The following EPHA4 variants were observed in gnomAD, a reference collection of about 807,000 sequenced individuals.
EPHA4 encodes the protein EPH receptor A4, also known as ephrin type-A receptor 4.
EPHA4 carries 19 observed loss-of-function variants against 108.3 expected under a neutral mutation model. The ratio of observed to expected loss-of-function variants is 0.18; its 90% CI spans 0.12 to 0.26. The LOEUF is 0.26. Ranked by LOEUF, EPHA4 falls within the 10% of genes least tolerant of loss-of-function variation. The pLI, the probability that EPHA4 is intolerant of heterozygous loss-of-function variation, is 1.00. For missense variants in EPHA4, 917 were observed against 1,254.0 expected, an observed-to-expected ratio of 0.73 and a Z score of 4.06; for synonymous variants, 449 against 455.5, an observed-to-expected ratio of 0.99 and a Z score of 0.18.
intron 3 of EPHA4, among the ~76,000 whole-genome samples, chr2:221,543,025 T>C (rs1693884444): frequency 6.6e-6 from 1 of 152,180 alleles, no homozygotes; most frequent in Non-Finnish European, 1.5e-5. Flanking sequence ...GTATGCTCTT[T>C]CTCGTTATGT....
intron 3 of EPHA4, among the ~76,000 whole-genome samples, chr2:221,557,342 T>C (rs1489609181): frequency 2.6e-5 from 4 of 152,208 alleles, no homozygotes. Flanking sequence ...GTTTCTTTGT[T>C]GGATTGATCA....
intron 5 of EPHA4, among the ~76,000 whole-genome samples, chr2:221,471,078 A>T (rs1691472471): frequency 6.6e-6 from 1 of 152,098 alleles, no homozygotes; most frequent in African/African-American, 2.4e-5. Flanking sequence ...GAAACAACTG[A>T]GCTATTAAAT....
At chr2:221,548,413 T>G (rs1004836048) in intron 3 of EPHA4, among the ~76,000 whole-genome samples, 1 of 151,656 alleles carries the variant, frequency 6.6e-6, no homozygotes, top group African/African-American at 2.4e-5. Flanking sequence ...TCACTCCCAC[T>G]CTCACCATGT....
intron 5 of EPHA4, among the ~76,000 whole-genome samples, chr2:221,477,950 A>G (rs1431885959): frequency 1.3e-5 from 2 of 152,186 alleles, no homozygotes; most frequent in Admixed American, 6.5e-5. Flanking sequence ...TAGCTGTGCT[A>G]GAGAGAGATG....
intron 15 of EPHA4, among the ~76,000 whole-genome samples, chr2:221,427,002 C>CG (rs1231046349): frequency 2.0e-5 from 3 of 152,150 alleles, no homozygotes; most frequent in Admixed American, 6.5e-5. Context: ...TACAGACTTT[C>CG]GTTCAGCAAC....
chr2:221,568,962 C>T (rs758147171), intron 1 of EPHA4, among the ~76,000 whole-genome samples, 177 bp from the exon 2 acceptor site: 2 of 152,232 alleles, frequency 1.3e-5, no homozygotes, highest in Non-Finnish European at 2.9e-5. Flanking sequence ...TTCTCCCCCT[C>T]TTTAAATCTG....
intron 5 of EPHA4, among the ~76,000 whole-genome samples, chr2:221,481,858 T>G (rs561731113): frequency 2.6e-5 from 4 of 152,192 alleles, no homozygotes; most frequent in Non-Finnish European, 5.9e-5. Flanking sequence ...AAGAGCACTC[T>G]GCATTGGTAA....
In EPHA4 at chr2:221,492,917, A is replaced by C. The variant is rs150109900; in HGVS notation, c.979+8100T>G. Among the ~76,000 whole-genome samples the C allele has an allele frequency of 1.5e-3, 233 of 152,370 alleles. 3 individuals are homozygous for C. The highest frequency in any genetic ancestry group is 5.2e-3 in the African/African-American group (218 of 41,594). On this transcript the variant is annotated intron_variant, in intron 4 of 17. Transcript: ENST00000281821. ...GTATGAAACTATACTATTACATTGC[A>C]AATTTGATAAATGACATGGAATGAG... is the stretch of plus-strand genomic sequence containing the variant.
In EPHA4 at chr2:221,443,820, G is replaced by A. The variant is rs1690508034; in HGVS notation, c.1775-214C>T. Among the ~76,000 whole-genome samples, 3 of 152,260 alleles carry A rather than the reference G, an allele frequency of 2.0e-5. No individual in the cohort carries two copies. The South Asian group carries it at 6.2e-4, about 32-fold the overall frequency. On this transcript the variant is annotated intron_variant, in intron 9 of 17. Transcript: ENST00000281821. Reference sequence around the variant, plus strand: ...GAGGCTGCAGCTTTACTGACTTCCTGGAATGTCTTCACACTTCAAGGACAA... The same window carrying A: ...GAGGCTGCAGCTTTACTGACTTCCTAGAATGTCTTCACACTTCAAGGACAA...
rs879781384 is a variant in EPHA4 at position 221,567,012 on chromosome 2, A to AAGAAGAAGAAGAAGAAGAAGAAGAAGAAG, written c.159+1705_159+1706insCTTCTTCTTCTTCTTCTTCTTCTTCTTCT. On this transcript the variant is annotated intron_variant, in intron 2 of 17. Transcript: ENST00000281821. ...AGAAGAAGAAGAAGAAGAAGAAGAA[A>AAGAAGAAGAAGAAGAAGAAGAAGAAGAAG]AAAATGTCTGCAGCATATTAAATTG... is the stretch of plus-strand genomic sequence containing the variant. Among the ~76,000 whole-genome samples, 8 of 67,696 alleles carry AAGAAGAAGAAGAAGAAGAAGAAGAAGAAG rather than the reference A, an allele frequency of 1.2e-4. 1 individual carries two copies. The highest frequency in any genetic ancestry group is 0.019 in the Middle Eastern group (2 of 106). The allele number at this position is 67,696 out of a possible 152,430, so 44.4% of individuals were successfully genotyped here.
intron 5 of EPHA4, among the ~76,000 whole-genome samples, chr2:221,471,353 A>T (rs1691483296): frequency 6.6e-6 from 1 of 152,168 alleles, no homozygotes; most frequent in Admixed American, 6.5e-5. Context: ...AACTGGCTCC[A>T]CCCAAAGAAG....
intron 5 of EPHA4, among the ~76,000 whole-genome samples, chr2:221,459,292 A>G (rs72963139): frequency 0.067 from 9,679 of 144,276 alleles, 406 homozygotes; most frequent in Non-Finnish European, 0.096. Flanking sequence ...ACAGGCGCAC[A>G]CACACACACA....
intron 5 of EPHA4, among the ~76,000 whole-genome samples, chr2:221,478,734 A>G (rs1390331718): frequency 1.4e-5 from 2 of 147,738 alleles, no homozygotes; most frequent in South Asian, 2.2e-4. Flanking sequence ...CTATCTGCCT[A>G]TCTGCCTATC....
intron 5 of EPHA4, among the ~76,000 whole-genome samples, chr2:221,481,065 C>T (rs558308401): frequency 1.4e-4 from 22 of 152,284 alleles, no homozygotes; most frequent in Middle Eastern, 6.8e-3. Flanking sequence ...TTTCCCTTCT[C>T]CTCTCTAACT....
chr2:221,518,692 C>G (rs1181303927), intron 3 of EPHA4, among the ~76,000 whole-genome samples: 2 of 152,184 alleles, frequency 1.3e-5, no homozygotes, highest in African/African-American at 4.8e-5. Context: ...CCTATGTTTT[C>G]TGTTTCTATG....
chr2:221,502,435 A>G, intron 3 of EPHA4: 1 of 461,960 alleles, frequency 2.2e-6, no homozygotes, highest in Non-Finnish European at 4.4e-6. Flanking sequence ...CTATACTATC[A>G]GAAACAGCAG....
At chr2:221,487,858 A>G (rs1692023623) in intron 4 of EPHA4, among the ~76,000 whole-genome samples, 1 of 152,134 alleles carries the variant, frequency 6.6e-6, no homozygotes, top group Non-Finnish European at 1.5e-5. Flanking sequence ...TAGCATGTTC[A>G]ACTATTTTAA....
intron 4 of EPHA4, among the ~76,000 whole-genome samples, chr2:221,483,122 A>G (rs1416097043): frequency 6.6e-6 from 1 of 152,274 alleles, no homozygotes; most frequent in Non-Finnish European, 1.5e-5. Flanking sequence ...ATAATTCCTA[A>G]GTACAGCATG....
chr2:221,516,050 T>C (rs765622359), intron 3 of EPHA4, among the ~76,000 whole-genome samples: 2 of 151,634 alleles, frequency 1.3e-5, no homozygotes, highest in Non-Finnish European at 2.9e-5. Context: ...GGCAGATGGA[T>C]GATCACCTTC....
Sources: gnomAD v4.1 joint callset for allele counts (sites outside exome capture counted in the v4.1 genomes callset) on GRCh38, gnomAD v4.1.1 for gene constraint, MANE v1.5 for transcripts, NCBI Gene and HGNC (gene_info 2026-07-23, HGNC 2026-07-21) for gene names.